HDLBP: variants seen among roughly 807,000 people sequenced by gnomAD.
HDLBP encodes vigilin.
In HDLBP, 30 loss-of-function variants were observed where a neutral mutation model predicts 137.3. That is an observed-to-expected ratio of 0.22 (90% CI 0.16 to 0.30). The LOEUF (loss-of-function observed/expected upper bound fraction) is 0.30. Ranked by LOEUF, HDLBP falls within the 10% of genes least tolerant of loss-of-function variation. The pLI, the probability that HDLBP is intolerant of heterozygous loss-of-function variation, is 1.00. For missense variants in HDLBP, 1,119 were observed against 1,667.3 expected, an observed-to-expected ratio of 0.67 and a Z score of 5.73; for synonymous variants, 606 against 596.0, an observed-to-expected ratio of 1.02 and a Z score of -0.24.
At chr2:241,286,092 A>C (rs568930166) in intron 1 of HDLBP, among the ~76,000 whole-genome samples, 2 of 152,320 alleles carry the variant, frequency 1.3e-5, no homozygotes, top group Admixed American at 6.5e-5. Flanking sequence ...GAGTTTCTTA[A>C]ATTTTTGTTC....
At chr2:241,280,214 T>G (rs2074543340) in intron 1 of HDLBP, 1 of 650,314 alleles carries the variant, frequency 1.5e-6, no homozygotes, top group Non-Finnish European at 1.9e-6. Flanking sequence ...AAATTATATG[T>G]GGCTCATATT....
chr2:241,291,222 T>A (rs2075003897), intron 1 of HDLBP, among the ~76,000 whole-genome samples: 1 of 152,200 alleles, frequency 6.6e-6, no homozygotes, highest in South Asian at 2.1e-4. Flanking sequence ...AAGAAAATGA[T>A]ACACATTGAA....
At chr2:241,273,178 A>G (rs1574998248) in intron 1 of HDLBP, 2 of 985,416 alleles carry the variant, frequency 2.0e-6, no homozygotes, top group Non-Finnish European at 2.4e-6. Context: ...AAAAACCTCA[A>G]AGGATGCCCA....
chr2:241,233,781 G>A lies in HDLBP; in HGVS notation c.3288+39C>T. 1.2e-6 allele frequency: 2 copies of A among 1,612,134 alleles called. No homozygotes were observed. Among genetic ancestry groups the A allele is most frequent in the Non-Finnish European group, 1.7e-6 (2 of 1,179,112 alleles). On this transcript the variant is annotated intron_variant, in intron 24 of 27. Transcript: ENST00000310931. The surrounding 1 kb of genome is among the most constrained non-coding windows in gnomAD (Gnocchi z 4.3). The stretch of plus-strand genomic sequence containing the variant: ...CCCAAGTCACAGGAAAGGTCAACAA[G>A]CACCTCTGCCCCCGACACGCTCCAA...
chr2:241,260,096 C>T (rs539155693), intron 5 of HDLBP, among the ~76,000 whole-genome samples: 3 of 152,106 alleles, frequency 2.0e-5, no homozygotes, highest in Non-Finnish European at 4.4e-5. Context: ...CTCTGCCTCC[C>T]GGGTTCAAGT....
chr2:241,289,224 G>A (rs1459164019), intron 1 of HDLBP, among the ~76,000 whole-genome samples: 2 of 152,164 alleles, frequency 1.3e-5, no homozygotes, highest in East Asian at 1.9e-4. Context: ...TCCAATGTGC[G>A]ATCTGCTGCT....
At position 241,241,498 on chromosome 2, in the gene HDLBP, C is replaced by T. The variant is rs541562973; in HGVS notation, c.2169+962G>A. Among the ~76,000 whole-genome samples the T allele has an allele frequency of 2.3e-3, 303 of 131,380 alleles. 1 individual carries two copies. The highest frequency in any genetic ancestry group is 6.4e-3 in the Admixed American group (73 of 11,434). 86.2% of individuals were successfully genotyped at this position (131,380 alleles called of 152,430 possible). On this transcript the variant is annotated intron_variant, in intron 17 of 27. Coordinates refer to ENST00000310931, the MANE Select transcript of HDLBP (RefSeq NM_005336.6). Reference sequence around the variant, plus strand: ...AGGAGAATGGCGTGAACCCAGGAGGCGGAGCTTGCAGTGAGGCGAGATTGC... The same window carrying T: ...AGGAGAATGGCGTGAACCCAGGAGGTGGAGCTTGCAGTGAGGCGAGATTGC...
intron 1 of HDLBP, among the ~76,000 whole-genome samples, chr2:241,290,348 C>G (rs1164327392): frequency 1.3e-5 from 2 of 152,112 alleles, no homozygotes; most frequent in South Asian, 2.1e-4. Flanking sequence ...CAGTGGTTTA[C>G]GCCTGTAATC....
chr2:241,227,739 TG>T lies in HDLBP; in HGVS notation c.*1861del, dbSNP rs1410175799. On this transcript the variant is annotated 3_prime_UTR_variant, in exon 28 of 28. Transcript: ENST00000310931. ...AAAAGACAGGAGGAACCCGCTGCGA[TG>T]GAGATTGGGGGGAGCTGGAAGCAAG... is the stretch of plus-strand genomic sequence containing the variant. The T allele has an allele frequency of 6.6e-6, 1 of 152,434 alleles. No homozygotes were observed. The highest frequency in any genetic ancestry group is 2.4e-5 in the African/African-American group (1 of 41,388). 9.4% of individuals were successfully genotyped at this position (152,434 alleles called of 1,614,324 possible). A position where few individuals can be genotyped will look rare whatever the true frequency, so the allele number is the denominator to read the frequency against.
In HDLBP at chr2:241,247,991, A is replaced by T. The variant is rs2071810552; in HGVS notation, c.1731+12T>A. On this transcript the variant is annotated intron_variant, in intron 14 of 27. Coordinates refer to ENST00000310931, the MANE Select transcript of HDLBP (RefSeq NM_005336.6). ...GTGCTGTCATACAAGAAAGGATGTG[A>T]AACACCCCTACCAGATCTGCCACCA... is the stretch of plus-strand genomic sequence containing the variant. 2 of 1,590,146 alleles carry T rather than the reference A, an allele frequency of 1.3e-6. No individual in the cohort carries two copies. Among genetic ancestry groups the T allele is most frequent in the Admixed American group, 3.3e-5 (2 of 59,986 alleles).
At chr2:241,274,624 C>T (rs1450757599) in intron 1 of HDLBP, among the ~76,000 whole-genome samples, 1 of 152,178 alleles carries the variant, frequency 6.6e-6, no homozygotes, top group African/African-American at 2.4e-5. Flanking sequence ...GTACACAGGA[C>T]ACCGTAAAGA....
chr2:241,307,542 T>TA (rs2075622312), intron 1 of HDLBP, among the ~76,000 whole-genome samples: 1 of 152,232 alleles, frequency 6.6e-6, no homozygotes, highest in South Asian at 2.1e-4. Context: ...CTTGATTTTT[T>TA]AGCTTTAAAA....
chr2:241,266,893 A>G lies in HDLBP; in HGVS notation c.-24T>C, dbSNP rs201767616. 4 of 1,613,056 alleles carry G rather than the reference A, an allele frequency of 2.5e-6. No individual in the cohort carries two copies. The East Asian group carries it at 8.9e-5, about 36-fold the overall frequency. ...ATGGTTGATCTCACACCTACACACA[A>G]TCCGGGAAAACCACTAAAGCAAAGA... On this transcript the variant is annotated 5_prime_UTR_variant, in exon 3 of 28. Coordinates refer to ENST00000310931, the MANE Select transcript of HDLBP (RefSeq NM_005336.6).
rs773639028 is a variant in HDLBP, at chr2:241,235,499, A to C, written c.3000T>G (p.Asp1000Glu). The change falls in exon 22 of 28, where the codon GAT becomes GAG. Residue 1000 changes from aspartate (D) to glutamate (E), a missense_variant. By Grantham distance (45) the Asp-to-Glu change is conservative (BLOSUM62 2). Transcript: ENST00000310931. ...QKGSGIRKMM[D>E]EFEVNIHVPA... ...CGGGAAAGGGGTCTACCTCAAACTC[A>C]TCCATCATCTTGCGGATCCCACTTC... 1.2e-5 allele frequency: 20 copies of C among 1,613,352 alleles called. No homozygotes were observed. Among genetic ancestry groups the C allele is most frequent in the Middle Eastern group, 1.6e-4 (1 of 6,084 alleles).
chr2:241,272,608 G>C lies in HDLBP; in HGVS notation c.-102-4067C>G. On this transcript the variant is annotated intron_variant, in intron 1 of 27. Transcript: ENST00000310931. The surrounding 1 kb of genome is among the most constrained non-coding windows in gnomAD (Gnocchi z 5.6). ...AGCAGGACACCCGCGGGCGGGGGCC[G>C]CAGCCTGGGGCCCGGGTGGGGGCCG... 2.0e-6 allele frequency: 2 copies of C among 981,916 alleles called. No homozygotes were observed. Among genetic ancestry groups the C allele is most frequent in the South Asian group, 9.5e-5 (2 of 21,148 alleles). 60.8% of individuals were successfully genotyped at this position (981,916 alleles called of 1,614,324 possible).
At chr2:241,269,218 TGG>T (rs2073892994) in intron 1 of HDLBP, 3 of 152,194 alleles carry the variant, frequency 2.0e-5, no homozygotes, top group African/African-American at 7.2e-5. Flanking sequence ...TAGGGGACTC[TGG>T]AGATGGGAGG....
chr2:241,259,108 G>A (rs188389732), intron 5 of HDLBP, among the ~76,000 whole-genome samples: 22 of 152,236 alleles, frequency 1.4e-4, no homozygotes, highest in African/African-American at 4.3e-4. Context: ...ATTACAGTAC[G>A]CCCACAGAAT....
At position 241,238,058 on chromosome 2, in the gene HDLBP, CAG is replaced by C. The variant is rs2070775575; in HGVS notation, c.2749+589_2749+590del. ...AGTGGAGGGCGGGCATCTGATAACACAGAGTGGAGGGCATACCTTTTGTTTCA... is the reference window on the plus strand; with the variant it reads ...AGTGGAGGGCGGGCATCTGATAACACAGTGGAGGGCATACCTTTTGTTTCA... On this transcript the variant is annotated intron_variant, in intron 20 of 27. Transcript: ENST00000310931. This position sits in a 1 kb window ranked among gnomAD's most constrained non-coding sequence, Gnocchi z 4.9. Among the ~76,000 whole-genome samples, 1 of 152,230 alleles carries C rather than the reference CAG, an allele frequency of 6.6e-6. No individual in the cohort carries two copies. Among genetic ancestry groups the C allele is most frequent in the African/African-American group, 2.4e-5 (1 of 41,456 alleles).
rs552938795 is a variant in HDLBP, at chr2:241,284,730, T to G, written c.-102-16189A>C. Among the ~76,000 whole-genome samples, 7 of 152,300 alleles carry G rather than the reference T, an allele frequency of 4.6e-5. No individual in the cohort carries two copies. In the South Asian group the frequency reaches 1.4e-3, roughly 32 times the overall value. On this transcript the variant is annotated intron_variant, in intron 1 of 27. Coordinates refer to ENST00000310931, the MANE Select transcript of HDLBP (RefSeq NM_005336.6). ...TGCAGTAAACTTCATTGTTGTCTGA[T>G]TTTACAAAATTGCCAGTCACCCCAA...
Sources: allele counts gnomAD v4.1 joint callset (sites outside exome capture counted in the v4.1 genomes callset), GRCh38; gene constraint gnomAD v4.1.1; non-coding constraint Gnocchi (gnomAD v3.1); transcripts MANE v1.5; gene names NCBI Gene and HGNC (gene_info 2026-07-23, HGNC 2026-07-21).